The following LRRC1 variants were observed in gnomAD, a reference collection of about 807,000 sequenced individuals.
The protein encoded by LRRC1 is leucine-rich repeat-containing protein 1.
A neutral mutation model predicts 69.9 loss-of-function variants in LRRC1; 28 were observed. The ratio of observed to expected loss-of-function variants is 0.40; its 90% CI spans 0.30 to 0.55. LRRC1 has a LOEUF of 0.55. Among genes scored for constraint, LRRC1 ranks in the 20% least tolerant of loss-of-function variants. The pLI is 0.47. For synonymous variants in LRRC1, 236 were observed against 240.2 expected (o/e 0.98, Z 0.16); for missense variants, 498 against 609.0 (o/e 0.82, Z 1.92).
intron 7 of LRRC1, among the ~76,000 whole-genome samples, 158 bp from the exon 8 acceptor site, chr6:53,899,589 G>T (rs1767981587): frequency 6.6e-6 from 1 of 152,212 alleles, no homozygotes; most frequent in Non-Finnish European, 1.5e-5. Context: ...ATTGGAAGGG[G>T]ATCTAGGAAT....
intron 11 of LRRC1, among the ~76,000 whole-genome samples, chr6:53,916,241 G>T (rs1174800131): frequency 2.0e-5 from 3 of 152,148 alleles, no homozygotes; most frequent in Non-Finnish European, 4.4e-5. Context: ...TTCCTTACTT[G>T]CAGTGTTAGT....
intron 8 of LRRC1, among the ~76,000 whole-genome samples, chr6:53,901,083 C>T (rs1215096702): frequency 6.6e-6 from 1 of 151,998 alleles, no homozygotes; most frequent in Non-Finnish European, 1.5e-5. Flanking sequence ...CACTGAGAAT[C>T]GTTTATGGCA....
chr6:53,847,882 C>T (rs1359138775), intron 2 of LRRC1, among the ~76,000 whole-genome samples: 2 of 152,148 alleles, frequency 1.3e-5, no homozygotes, highest in African/African-American at 4.8e-5. Context: ...TAGTTATGAA[C>T]AATTAACCTT....
At chr6:53,829,194 C>A (rs966286587) in intron 1 of LRRC1, among the ~76,000 whole-genome samples, 15 of 152,284 alleles carry the variant, frequency 9.9e-5, no homozygotes, top group Admixed American at 7.2e-4. Context: ...TGAATCCTGG[C>A]ACAGACACAT....
intron 11 of LRRC1, among the ~76,000 whole-genome samples, 154 bp downstream of exon 11, chr6:53,914,123 G>A (rs374075582): frequency 6.6e-6 from 1 of 152,120 alleles, no homozygotes; most frequent in East Asian, 1.9e-4. Context: ...TCCTTCATAG[G>A]GGGGCTAGAG....
At chr6:53,847,260 A>T (rs1280590440) in intron 2 of LRRC1, among the ~76,000 whole-genome samples, 1 of 152,200 alleles carries the variant, frequency 6.6e-6, no homozygotes, top group Non-Finnish European at 1.5e-5. Context: ...GTGATTTAAA[A>T]CAATTTTCTT....
intron 1 of LRRC1, among the ~76,000 whole-genome samples, chr6:53,822,603 G>A (rs1383298327): frequency 5.3e-5 from 8 of 152,162 alleles, no homozygotes; most frequent in African/African-American, 9.6e-5. Flanking sequence ...TGATAAATGC[G>A]TGGACGGTGA....
At chr6:53,834,494 G>A (rs1765553008) in intron 1 of LRRC1, among the ~76,000 whole-genome samples, 1 of 152,144 alleles carries the variant, frequency 6.6e-6, no homozygotes, top group Non-Finnish European at 1.5e-5. Context: ...TCACACCAGT[G>A]TTTTTTGTTT....
At chr6:53,810,068 A>T (rs1279435845) in intron 1 of LRRC1, among the ~76,000 whole-genome samples, 1 of 152,166 alleles carries the variant, frequency 6.6e-6, no homozygotes, top group Non-Finnish European at 1.5e-5. Context: ...AGGTAGGCAA[A>T]GAATAGTTGG....
rs1270882785 is a variant in LRRC1 at position 53,818,828 on chromosome 6, A to G, written c.160-23282A>G. 7.2e-5 allele frequency among the ~76,000 whole-genome samples: 11 copies of G among 152,288 alleles called. No homozygotes were observed. The East Asian group carries it at 2.1e-3, about 29-fold the overall frequency. ...GAAATGGTGGTGGATACTTAACCTC[A>G]TTTCATTTCATTTCATAAATGCTTT... On this transcript the variant is annotated intron_variant, in intron 1 of 13. Transcript: ENST00000370888.
intron 1 of LRRC1, among the ~76,000 whole-genome samples, chr6:53,819,137 A>G (rs1170352633): frequency 6.6e-6 from 1 of 152,224 alleles, no homozygotes; most frequent in Non-Finnish European, 1.5e-5. Flanking sequence ...AGAGAGAGGC[A>G]ATTAAGGGTC....
At chr6:53,834,192 G>A (rs1232961478) in intron 1 of LRRC1, among the ~76,000 whole-genome samples, 1 of 152,006 alleles carries the variant, frequency 6.6e-6, no homozygotes, top group Admixed American at 6.6e-5. Flanking sequence ...AGGCTTTATC[G>A]GGATGTTTGT....
At chr6:53,886,921 A>G (rs1426496705) in intron 4 of LRRC1, among the ~76,000 whole-genome samples, 1 of 152,202 alleles carries the variant, frequency 6.6e-6, no homozygotes, top group Non-Finnish European at 1.5e-5. Flanking sequence ...TTGTACTCTG[A>G]TACTACAGGA....
intron 2 of LRRC1, among the ~76,000 whole-genome samples, chr6:53,849,495 G>T (rs528136167): frequency 6.6e-6 from 1 of 152,188 alleles, no homozygotes; most frequent in African/African-American, 2.4e-5. Flanking sequence ...CCATTTTGCC[G>T]TGTGAATCTG....
intron 1 of LRRC1, among the ~76,000 whole-genome samples, chr6:53,825,361 T>C (rs915211715): frequency 6.6e-6 from 1 of 152,184 alleles, no homozygotes; most frequent in Non-Finnish European, 1.5e-5. Context: ...GATGTAATTG[T>C]GTAAGAGCCT....
chr6:53,819,851 G>A (rs530338242), intron 1 of LRRC1, among the ~76,000 whole-genome samples: 13 of 152,066 alleles, frequency 8.5e-5, no homozygotes, highest in Non-Finnish European at 1.2e-4. Flanking sequence ...CTCATCCTGG[G>A]CTTAATACTT....
chr6:53,814,114 CT>C (rs1254199617), intron 1 of LRRC1, among the ~76,000 whole-genome samples: 1 of 152,158 alleles, frequency 6.6e-6, no homozygotes, highest in Non-Finnish European at 1.5e-5. Flanking sequence ...ATTTACTTCT[CT>C]AACTCCAACT....
At chr6:53,824,922 A>C (rs1280779349) in intron 1 of LRRC1, among the ~76,000 whole-genome samples, 1 of 152,204 alleles carries the variant, frequency 6.6e-6, no homozygotes, top group African/African-American at 2.4e-5. Flanking sequence ...GGACCCTGAC[A>C]CATTTTAGCT....
At chr6:53,847,972 C>T (rs1562041817) in intron 2 of LRRC1, among the ~76,000 whole-genome samples, 1 of 152,190 alleles carries the variant, frequency 6.6e-6, no homozygotes, top group African/African-American at 2.4e-5. Flanking sequence ...GGACTTCAGA[C>T]TTGCCACAAT....
Sources: gnomAD v4.1 joint callset for allele counts (sites outside exome capture counted in the v4.1 genomes callset) on GRCh38, gnomAD v4.1.1 for gene constraint, MANE v1.5 for transcripts, NCBI Gene and HGNC (gene_info 2026-07-23, HGNC 2026-07-21) for gene names.